TNS3: variants seen among roughly 807,000 people sequenced by gnomAD.
TNS3 encodes tensin-3.
TNS3 carries 45 observed loss-of-function variants against 140.9 expected under a neutral mutation model. The observed-to-expected ratio is 0.32, with a 90% CI of 0.25 to 0.41. TNS3 has a LOEUF of 0.41. Among genes scored for constraint, TNS3 ranks in the 10% least tolerant of loss-of-function variants. The pLI is 1.00. For missense variants in TNS3, 1,716 were observed against 1,906.7 expected (o/e 0.90, Z 1.86); for synonymous variants, 815 against 788.4 (o/e 1.03, Z -0.56).
chr7:47,581,454 T>G (rs994509601), intron 1 of TNS3: 1 of 151,728 alleles, frequency 6.6e-6, no homozygotes, highest in African/African-American at 2.4e-5. Flanking sequence ...CTAGAAAAAG[T>G]AGGAGAAGGG....
chr7:47,338,068 T>C (rs1788733915), intron 20 of TNS3, among the ~76,000 whole-genome samples: 1 of 148,624 alleles, frequency 6.7e-6, no homozygotes, highest in Non-Finnish European at 1.5e-5. Flanking sequence ...TGCTGAGAAG[T>C]GTTCCATGGT....
chr7:47,318,724 A>C (rs1343778833), intron 20 of TNS3, among the ~76,000 whole-genome samples: 1 of 152,190 alleles, frequency 6.6e-6, no homozygotes, highest in African/African-American at 2.4e-5. Flanking sequence ...GATTATCATG[A>C]TGGAGAATGG....
chr7:47,478,938 T>TACAC (rs145018052), intron 4 of TNS3, among the ~76,000 whole-genome samples: 297 of 150,250 alleles, frequency 2.0e-3, no homozygotes, highest in East Asian at 0.012. Flanking sequence ...ACACACATAA[T>TACAC]ACACACACAC....
chr7:47,309,896 C>G (rs1300592361), intron 20 of TNS3, among the ~76,000 whole-genome samples: 2 of 152,236 alleles, frequency 1.3e-5, no homozygotes, highest in African/African-American at 4.8e-5. Flanking sequence ...ACACAAAATA[C>G]TAACAACAAT....
At chr7:47,366,596 G>A (rs1163798321) in intron 17 of TNS3, among the ~76,000 whole-genome samples, 1 of 152,210 alleles carries the variant, frequency 6.6e-6, no homozygotes. Flanking sequence ...TCTGCAGGGT[G>A]TGTGCTCCTT....
intron 4 of TNS3, among the ~76,000 whole-genome samples, chr7:47,471,278 AG>A (rs1380413392): frequency 6.6e-6 from 1 of 152,216 alleles, no homozygotes; most frequent in Non-Finnish European, 1.5e-5. Context: ...TGGCCTCACT[AG>A]GCAATTGTGC....
At chr7:47,579,826 C>T (rs559091289) in intron 1 of TNS3, 2 of 985,310 alleles carry the variant, frequency 2.0e-6, no homozygotes, top group South Asian at 4.7e-5. Context: ...GGTAGGTCAG[C>T]CCTTCCACTC....
At chr7:47,391,170 C>A (rs2462633) in intron 16 of TNS3, among the ~76,000 whole-genome samples, 145,638 of 152,252 alleles carry the variant, frequency 0.96, 69,824 homozygotes, top group East Asian at 1. Flanking sequence ...CCCTGTCTGC[C>A]TTCCCTACCT....
chr7:47,341,114 T>C (rs1479493585), intron 20 of TNS3, among the ~76,000 whole-genome samples: 2 of 152,222 alleles, frequency 1.3e-5, no homozygotes, highest in Non-Finnish European at 2.9e-5. Flanking sequence ...AGTGTGTCAA[T>C]CTTTTTATAT....
At chr7:47,336,382 G>A (rs183951225) in intron 20 of TNS3, among the ~76,000 whole-genome samples, 11 of 152,256 alleles carry the variant, frequency 7.2e-5, no homozygotes, top group African/African-American at 1.9e-4. Flanking sequence ...ATCAGCTCTC[G>A]GTACCAGCAG....
chr7:47,576,971 C>T lies in TNS3; in HGVS notation c.-265+5080G>A, dbSNP rs1157291393. On this transcript the variant is annotated intron_variant, in intron 1 of 30. Transcript: ENST00000311160. ...CTTTCAGTATCGCCACGAGTGTATT[C>T]CAGTGTATTCAAAGCATCAACGAAT... Among the ~76,000 whole-genome samples the T allele has an allele frequency of 2.0e-5, 3 of 152,236 alleles. No homozygotes were observed. In the East Asian group the frequency reaches 5.8e-4, roughly 29 times the overall value.
At position 47,369,101 on chromosome 7, in the gene TNS3, G is replaced by C; in HGVS notation, c.1545C>G (p.Ser515Arg). Residue 515 changes from serine (S) to arginine (R), a missense_variant, in exon 17 of 31, where the codon AGC becomes AGG. By Grantham distance (110) the Ser-to-Arg change is moderately radical. Coordinates refer to ENST00000311160, the MANE Select transcript of TNS3 (RefSeq NM_022748.12). ...CGTCAGATAGGAGTGAGTTCTGGCT[G>C]CTCTTGTGGCAGGTGAAGGGACCCA... Reference protein sequence around the residue: ...AHLGPFTCHKSSQNSLLSDGF... With the variant: ...AHLGPFTCHKRSQNSLLSDGF... 1 of 1,614,144 alleles carries C rather than the reference G, an allele frequency of 6.2e-7. No individual in the cohort carries two copies. Among genetic ancestry groups the C allele is most frequent in the Non-Finnish European group, 8.5e-7 (1 of 1,180,042 alleles).
chr7:47,292,046 C>T lies in TNS3; in HGVS notation c.3851-14G>A, dbSNP rs1224735586. 1 of 1,613,410 alleles carries T rather than the reference C, an allele frequency of 6.2e-7. No homozygotes were observed. The highest frequency in any genetic ancestry group is 1.7e-5 in the Admixed American group (1 of 59,958). ...CCTCCAATGGATCTGTAGGAAGGGG[C>T]AAGAAAATACAGAAATGAGTCCTGC... is the stretch of plus-strand genomic sequence containing the variant. On this transcript the variant is annotated splice_polypyrimidine_tract_variant and intron_variant, in intron 26 of 30. Transcript: ENST00000311160.
chr7:47,313,581 C>T (rs1292856106), intron 20 of TNS3, among the ~76,000 whole-genome samples: 1 of 152,186 alleles, frequency 6.6e-6, no homozygotes, highest in African/African-American at 2.4e-5. Context: ...GCACAGCATG[C>T]AGTACCTGTT....
Position 47,415,110 on chromosome 7 carries a change from G to A in TNS3, c.570C>T (p.Asn190=), listed in dbSNP as rs1236969656. Residue 190 remains asparagine, a synonymous_variant, in exon 11 of 31, where the codon AAC becomes AAT. Transcript: ENST00000311160. ...GACACTCACCTCCACCTGTGTCGAA[G>A]TTGGGGGTGCCGTGGAGGATGACAA... is the stretch of plus-strand genomic sequence containing the variant. The part of the protein sequence containing the change: ...LHFVILHGTP[N]FDTGGVCRPF... 6.2e-7 allele frequency: 1 copy of A among 1,612,030 alleles called. No individual in the cohort carries two copies. The highest frequency in any genetic ancestry group is 8.5e-7 in the Non-Finnish European group (1 of 1,179,222).
chr7:47,465,024 C>T (rs1440361093), intron 4 of TNS3, among the ~76,000 whole-genome samples: 2 of 152,206 alleles, frequency 1.3e-5, no homozygotes, highest in African/African-American at 4.8e-5. Context: ...CCTATCAAGG[C>T]TGATCTCCCT....
At chr7:47,381,989 T>C (rs866928083) in intron 16 of TNS3, among the ~76,000 whole-genome samples, 5 of 152,098 alleles carry the variant, frequency 3.3e-5, no homozygotes, top group Admixed American at 1.3e-4. Context: ...AATGTCCGAG[T>C]CTCTCCTGAG....
In TNS3 at chr7:47,369,229, G is replaced by T; in HGVS notation, c.1417C>A (p.Arg473=). ...HVNGDAALKD[R]ETDILDDEMP... The stretch of plus-strand genomic sequence containing the variant: ...TCGTCATCCAGAATGTCTGTCTCCC[G>T]ATCCTTCAGAGCAGCGTCTCCATTC... The change falls in exon 17 of 31, where the codon CGG becomes AGG. Residue 473 remains arginine (R), a synonymous_variant. Transcript: ENST00000311160. 1 of 1,614,184 alleles carries T rather than the reference G, an allele frequency of 6.2e-7. No homozygotes were observed. Among genetic ancestry groups the T allele is most frequent in the South Asian group, 1.1e-5 (1 of 91,066 alleles).
chr7:47,463,689 G>C (rs181571840), intron 4 of TNS3, among the ~76,000 whole-genome samples: 1 of 152,086 alleles, frequency 6.6e-6, no homozygotes, highest in Non-Finnish European at 1.5e-5. Context: ...CCTGTCTGCA[G>C]TATGAGTTGA....
Sources: gnomAD v4.1 joint callset for allele counts (sites outside exome capture counted in the v4.1 genomes callset) on GRCh38, gnomAD v4.1.1 for gene constraint, MANE v1.5 for transcripts, NCBI Gene and HGNC (gene_info 2026-07-23, HGNC 2026-07-21) for gene names.